AGMO: variants seen among roughly 807,000 people sequenced by gnomAD.
AGMO encodes alkylglycerol monooxygenase, also known as glyceryl-ether monooxygenase.
A neutral mutation model predicts 60.2 loss-of-function variants in AGMO; 75 were observed. That is an observed-to-expected ratio of 1.25 (90% CI 1.03 to 1.51). The LOEUF (loss-of-function observed/expected upper bound fraction) is 1.51, where lower values mean the gene tolerates loss of function less well. AGMO is among the 40% of genes most tolerant of loss of function. AGMO has a pLI of 0.00. For synonymous variants in AGMO, 261 were observed against 177.1 expected (o/e 1.47, Z -3.76); for missense variants, 763 against 525.5 (o/e 1.45, Z -4.42).
chr7:15,548,202 T>A (rs929005545), intron 2 of AGMO, among the ~76,000 whole-genome samples: 1 of 151,890 alleles, frequency 6.6e-6, no homozygotes, highest in Admixed American at 6.6e-5. Flanking sequence ...TAGATAAAAC[T>A]ACAAAGATGG....
chr7:15,147,792 A>AC, the AGMO span, among the ~76,000 whole-genome samples: 1 of 152,204 alleles, frequency 6.6e-6, no homozygotes, highest in Admixed American at 6.5e-5. Context: ...CCATAGTCAG[A>AC]CGTACACAGA....
At chr7:15,520,561 A>G (rs1394349142) in intron 3 of AGMO, among the ~76,000 whole-genome samples, 3 of 152,220 alleles carry the variant, frequency 2.0e-5, no homozygotes, top group African/African-American at 7.2e-5. Flanking sequence ...AAACTGCACA[A>G]CTACATGGAA....
intron 3 of AGMO, among the ~76,000 whole-genome samples, chr7:15,485,157 A>AAAAG (rs1554278102): frequency 9.9e-5 from 15 of 150,768 alleles, no homozygotes; most frequent in Non-Finnish European, 1.8e-4. Context: ...AAAAAAAAAA[A>AAAAG]AAAGAAAAAC....
intron 12 of AGMO, among the ~76,000 whole-genome samples, chr7:15,218,318 GGTGTGTGTATGT>G (rs1338523978): frequency 1.3e-3 from 139 of 108,232 alleles, no homozygotes; most frequent in Middle Eastern, 5.3e-3. Context: ...TATTGACTAT[GGTGTGTGTATGT>G]GTGTGTGTGT....
At chr7:15,325,408 G>A (rs555473342) in intron 12 of AGMO, among the ~76,000 whole-genome samples, 59 of 151,986 alleles carry the variant, frequency 3.9e-4, no homozygotes, top group African/African-American at 5.1e-4. Flanking sequence ...ATCAGTGAGC[G>A]TTCAAGGGCA....
chr7:15,322,805 A>G (rs1781213889), intron 12 of AGMO, among the ~76,000 whole-genome samples: 1 of 140,526 alleles, frequency 7.1e-6, no homozygotes, highest in Non-Finnish European at 1.5e-5. Context: ...AGGAAAAAAT[A>G]TGTATACACA....
At chr7:15,251,825 C>A (rs1782946958) in intron 12 of AGMO, among the ~76,000 whole-genome samples, 1 of 152,130 alleles carries the variant, frequency 6.6e-6, no homozygotes, top group South Asian at 2.1e-4. Context: ...ACTTCATGCC[C>A]CACAGGAATT....
chr7:15,150,887 A>T, the AGMO span, among the ~76,000 whole-genome samples: 12 of 152,196 alleles, frequency 7.9e-5, no homozygotes, highest in East Asian at 1.5e-3. Context: ...ACATGTCAGT[A>T]GTATTGGTAC....
In AGMO at chr7:15,342,074, G is replaced by C. The variant is rs1583429326; in HGVS notation, c.1263+23440C>G. 3.4e-5 allele frequency among the ~76,000 whole-genome samples: 5 copies of C among 148,916 alleles called. No individual in the cohort carries two copies. In the South Asian group the frequency reaches 8.5e-4, roughly 25 times the overall value. On this transcript the variant is annotated intron_variant, in intron 12 of 12. Coordinates refer to ENST00000342526, the MANE Select transcript of AGMO (RefSeq NM_001004320.2). ...ACTTTGCTTTTAAGTCTTCTGCCTAGGTCACAGGCTGAATCATAGGATGCA... is the reference window on the plus strand; with the variant it reads ...ACTTTGCTTTTAAGTCTTCTGCCTACGTCACAGGCTGAATCATAGGATGCA...
chr7:15,388,684 C>G (rs143877422), intron 8 of AGMO, among the ~76,000 whole-genome samples: 1 of 152,140 alleles, frequency 6.6e-6, no homozygotes, highest in African/African-American at 2.4e-5. Flanking sequence ...AACAAACAAA[C>G]AAAACCCTGT....
intron 12 of AGMO, among the ~76,000 whole-genome samples, chr7:15,288,773 AAAAG>A (rs942690766): frequency 6.6e-6 from 1 of 151,530 alleles, no homozygotes; most frequent in East Asian, 1.9e-4. Flanking sequence ...TGAAAAAAAA[AAAAG>A]AAAGAAAAAC....
At chr7:15,375,030 G>A (rs967246718) in intron 10 of AGMO, among the ~76,000 whole-genome samples, 1 of 152,030 alleles carries the variant, frequency 6.6e-6, no homozygotes, top group African/African-American at 2.4e-5. Flanking sequence ...TGATTCACTG[G>A]ACATTCACTA....
chr7:15,211,306 AAAC>A (rs1365313041), intron 12 of AGMO, among the ~76,000 whole-genome samples: 2 of 152,036 alleles, frequency 1.3e-5, no homozygotes, highest in East Asian at 1.9e-4. Flanking sequence ...TTAAAAGTGA[AAAC>A]AAAGTGACAG....
At chr7:15,464,230 C>A (rs1044629909) in intron 3 of AGMO, among the ~76,000 whole-genome samples, 1 of 152,152 alleles carries the variant, frequency 6.6e-6, no homozygotes, top group African/African-American at 2.4e-5. Flanking sequence ...CAGGAGGTTA[C>A]CAAAGGCTTT....
chr7:15,401,119 G>A (rs1784542417), intron 5 of AGMO, among the ~76,000 whole-genome samples: 1 of 152,012 alleles, frequency 6.6e-6, no homozygotes, highest in African/African-American at 2.4e-5. Flanking sequence ...ACAATTTTCA[G>A]AAGTTTTCTC....
intron 10 of AGMO, among the ~76,000 whole-genome samples, chr7:15,378,931 C>G (rs1404005246): frequency 6.6e-6 from 1 of 151,928 alleles, no homozygotes; most frequent in African/African-American, 2.4e-5. Context: ...GACCACAGCA[C>G]AATTAGAAAT....
chr7:15,311,027 G>T (rs965908264), intron 12 of AGMO, among the ~76,000 whole-genome samples: 4 of 152,042 alleles, frequency 2.6e-5, no homozygotes, highest in Non-Finnish European at 5.9e-5. Flanking sequence ...GACAATGTAG[G>T]ATGATCTCCA....
intron 3 of AGMO, among the ~76,000 whole-genome samples, chr7:15,436,346 G>C (rs1288578349): frequency 1.3e-5 from 2 of 152,120 alleles, no homozygotes; most frequent in Non-Finnish European, 2.9e-5. Flanking sequence ...CTTCGAAGAT[G>C]GCATCATGAA....
chr7:15,381,015 C>T (rs1381242534), intron 10 of AGMO, among the ~76,000 whole-genome samples: 1 of 152,052 alleles, frequency 6.6e-6, no homozygotes, highest in Non-Finnish European at 1.5e-5. Flanking sequence ...TCCCTTACTG[C>T]ATATACAAAA....
Sources: gnomAD v4.1 joint callset for allele counts (sites outside exome capture counted in the v4.1 genomes callset) on GRCh38, gnomAD v4.1.1 for gene constraint, MANE v1.5 for transcripts, NCBI Gene and HGNC (gene_info 2026-07-23, HGNC 2026-07-21) for gene names.